REDIC1: variants seen among roughly 807,000 people sequenced by gnomAD.
The protein encoded by REDIC1 is HEI10 Interacting Protein 1.
chr12:39,796,643 C>T, the REDIC1 span, among the ~76,000 whole-genome samples: 1 of 152,054 alleles, frequency 6.6e-6, no homozygotes, highest in African/African-American at 2.4e-5. Flanking sequence ...AGAGGAAACC[C>T]AGGCCTTAGA....
the REDIC1 span, among the ~76,000 whole-genome samples, chr12:39,897,753 A>G: frequency 6.6e-6 from 1 of 152,202 alleles, no homozygotes; most frequent in Admixed American, 6.5e-5. Context: ...AAAACAAAAA[A>G]TATTTTAAAA....
chr12:39,713,329 CATAT>C, the REDIC1 span, among the ~76,000 whole-genome samples: 7 of 141,952 alleles, frequency 4.9e-5, no homozygotes, highest in African/African-American at 1.1e-4. Context: ...TGTGTATACA[CATAT>C]ACGTGTATAT....
At chr12:39,713,263 TATATGTGTACAC>T in the REDIC1 span, among the ~76,000 whole-genome samples, 837 of 62,214 alleles carry the variant, frequency 0.013, 92 homozygotes, top group African/African-American at 0.032. Context: ...CATACGTGTA[TATATGTGTACAC>T]ACACATACGT....
At chr12:39,626,212 G>C in the REDIC1 span, 1 of 984,322 alleles carries the variant, frequency 1.0e-6, no homozygotes, top group Non-Finnish European at 1.5e-6. Flanking sequence ...GGACCAGAAG[G>C]AGCTTACTCG....
chr12:39,839,763 C>T, the REDIC1 span, among the ~76,000 whole-genome samples: 1 of 152,008 alleles, frequency 6.6e-6, no homozygotes, highest in South Asian at 2.1e-4. Flanking sequence ...CACTGAGCCC[C>T]CATGACCTCT....
the REDIC1 span, among the ~76,000 whole-genome samples, chr12:39,796,129 A>C: frequency 6.6e-6 from 1 of 152,236 alleles, no homozygotes; most frequent in Admixed American, 6.5e-5. Flanking sequence ...GGAATCATAC[A>C]GTATATCACC....
At chr12:39,779,681 T>C in the REDIC1 span, among the ~76,000 whole-genome samples, 16 of 152,376 alleles carry the variant, frequency 1.1e-4, no homozygotes, top group East Asian at 3.1e-3. Flanking sequence ...TTGAAATTTC[T>C]TGACCTCTAA....
chr12:39,699,320 A>C, the REDIC1 span, among the ~76,000 whole-genome samples: 1 of 152,166 alleles, frequency 6.6e-6, no homozygotes, highest in Non-Finnish European at 1.5e-5. Flanking sequence ...TCCCTTTCCT[A>C]GTCAAAGAAA....
the REDIC1 span, among the ~76,000 whole-genome samples, chr12:39,670,985 C>G: frequency 6.6e-6 from 1 of 152,020 alleles, no homozygotes; most frequent in South Asian, 2.1e-4. Context: ...TGTTATCTCA[C>G]TGAGCTTCTT....
At chr12:39,654,309 C>G in the REDIC1 span, among the ~76,000 whole-genome samples, 2 of 151,572 alleles carry the variant, frequency 1.3e-5, no homozygotes, top group African/African-American at 4.8e-5. Flanking sequence ...TGGTGTAGGC[C>G]GGGCGTGGTG....
chr12:39,792,918 G>C, the REDIC1 span, among the ~76,000 whole-genome samples: 1 of 151,908 alleles, frequency 6.6e-6, no homozygotes, highest in Non-Finnish European at 1.5e-5. Context: ...CTTTCTCTAT[G>C]GTATCTTTTT....
At chr12:39,833,199 C>T in the REDIC1 span, among the ~76,000 whole-genome samples, 1 of 152,074 alleles carries the variant, frequency 6.6e-6, no homozygotes, top group African/African-American at 2.4e-5. Context: ...TTATGACTGC[C>T]TTCATGCTTT....
At chr12:39,763,818 G>C in the REDIC1 span, among the ~76,000 whole-genome samples, 5 of 152,064 alleles carry the variant, frequency 3.3e-5, no homozygotes, top group African/African-American at 1.2e-4. Flanking sequence ...TCCTGACTCA[G>C]CCACTAAGCA....
chr12:39,738,369 C>T, the REDIC1 span, among the ~76,000 whole-genome samples: 15 of 152,166 alleles, frequency 9.9e-5, no homozygotes, highest in Admixed American at 4.6e-4. Context: ...ATATCATTTA[C>T]GAATTAGACA....
the REDIC1 span, chr12:39,646,911 A>G: frequency 7.9e-6 from 12 of 1,528,262 alleles, no homozygotes; most frequent in African/African-American, 1.4e-5. Flanking sequence ...AAAAAATTCT[A>G]TAGGTTATTT....
chr12:39,771,120 A>G, the REDIC1 span, among the ~76,000 whole-genome samples: 10 of 152,196 alleles, frequency 6.6e-5, no homozygotes, highest in Non-Finnish European at 1.2e-4. Flanking sequence ...TTGCATTAAC[A>G]CCATCCTAAT....
At chr12:39,646,236 A>G in the REDIC1 span, 620 of 376,462 alleles carry the variant, frequency 1.6e-3, 3 homozygotes, top group African/African-American at 0.012. Context: ...TTTCTTAGAT[A>G]TATGTTTATG....
the REDIC1 span, among the ~76,000 whole-genome samples, chr12:39,643,129 T>C: frequency 6.6e-6 from 1 of 151,644 alleles, no homozygotes; most frequent in Non-Finnish European, 1.5e-5. Context: ...TAAATAAATA[T>C]TAGTTAATTT....
the REDIC1 span, among the ~76,000 whole-genome samples, chr12:39,737,696 G>A: frequency 9.8e-5 from 15 of 152,312 alleles, no homozygotes; most frequent in Middle Eastern, 3.4e-3. Context: ...TCAACCAAAA[G>A]TCTGTTTGAC....
Sources: allele counts gnomAD v4.1 joint callset (sites outside exome capture counted in the v4.1 genomes callset), GRCh38; gene constraint gnomAD v4.1.1; transcripts MANE v1.5; gene names NCBI Gene and HGNC (gene_info 2026-07-23, HGNC 2026-07-21).